Variants in KCTD1 observed in about 807,000 individuals in gnomAD.
KCTD1 encodes BTB/POZ domain-containing protein KCTD1.
KCTD1 carries 24 observed loss-of-function variants against 66.0 expected under a neutral mutation model. The observed-to-expected ratio is 0.36, with a 90% CI of 0.26 to 0.51. The LOEUF (loss-of-function observed/expected upper bound fraction) is 0.51. Among genes scored for constraint, KCTD1 ranks in the 20% least tolerant of loss-of-function variants. The pLI is 0.95. For synonymous variants in KCTD1, 511 were observed against 517.2 expected (o/e 0.99, Z 0.16); for missense variants, 943 against 1,205.2 (o/e 0.78, Z 3.22).
intron 1 of KCTD1, among the ~76,000 whole-genome samples, chr18:26,572,704 T>A (rs972898741): frequency 6.6e-6 from 1 of 152,196 alleles, no homozygotes; most frequent in African/African-American, 2.4e-5. Flanking sequence ...ATTCCAACAA[T>A]TATTTTTTCA....
chr18:26,502,882 G>C (rs1177918858), intron 1 of KCTD1, among the ~76,000 whole-genome samples: 1 of 152,196 alleles, frequency 6.6e-6, no homozygotes, highest in Non-Finnish European at 1.5e-5. Context: ...ATAAAATGCA[G>C]CATGATAAAA....
intron 1 of KCTD1, among the ~76,000 whole-genome samples, chr18:26,558,964 A>T (rs948181474): frequency 2.6e-5 from 4 of 151,984 alleles, no homozygotes; most frequent in African/African-American, 9.7e-5. Flanking sequence ...AAAAGAAAAG[A>T]ATGAGATCCT....
At chr18:26,527,482 CA>C (rs1342328848) in intron 1 of KCTD1, among the ~76,000 whole-genome samples, 220 of 62,838 alleles carry the variant, frequency 3.5e-3, no homozygotes, top group African/African-American at 0.011. Context: ...AGGGCTACTG[CA>C]AAAAAAAAAG....
intron 2 of KCTD1, among the ~76,000 whole-genome samples, chr18:26,495,109 T>A (rs1982400055): frequency 6.6e-6 from 1 of 152,188 alleles, no homozygotes; most frequent in South Asian, 2.1e-4. Context: ...GAATGCATTT[T>A]TTTTTTTGGC....
At chr18:26,624,539 T>G (rs968759603) in intron 1 of KCTD1, among the ~76,000 whole-genome samples, 1 of 152,224 alleles carries the variant, frequency 6.6e-6, no homozygotes, top group Non-Finnish European at 1.5e-5. Flanking sequence ...TTCCATGTGG[T>G]GTTAAGCCTG....
chr18:26,572,487 T>A (rs1014099241), intron 1 of KCTD1, among the ~76,000 whole-genome samples: 1 of 152,214 alleles, frequency 6.6e-6, no homozygotes, highest in African/African-American at 2.4e-5. Context: ...GTTCTTTTTA[T>A]TGGTTTTGGG....
rs1286330501 is a variant in KCTD1, at chr18:26,515,514, T to TC, written c.1810-14265_1810-14264insG. Among the ~76,000 whole-genome samples the TC allele has an allele frequency of 2.0e-5, 3 of 149,350 alleles. 1 individual carries two copies. Among genetic ancestry groups the TC allele is most frequent in the African/African-American group, 4.9e-5 (2 of 40,640 alleles). ...TGAAAACAGGCCTCTTTTTTCTTTT[T>TC]TTTTTTTTTTTGAGATGGAGTCTCA... On this transcript the variant is annotated intron_variant, in intron 1 of 4. Transcript: ENST00000580059.
intron 1 of KCTD1, chr18:26,600,129 G>C: frequency 2.5e-6 from 4 of 1,609,848 alleles, no homozygotes; most frequent in Non-Finnish European, 3.4e-6. Context: ...AAGGGAAAAA[G>C]AGGAAGGCCT....
upstream of KCTD1, among the ~76,000 whole-genome samples, chr18:26,550,954 AGCGCAGGGACCCGGGGGCC>A (rs1478577514): frequency 6.6e-6 from 1 of 152,140 alleles, no homozygotes; most frequent in Non-Finnish European, 1.5e-5. This position sits in a 1 kb window ranked among gnomAD's most constrained non-coding sequence, Gnocchi z 5.4. Flanking sequence ...CCTCGCCATA[AGCGCAGGGACCCGGGGGCC>A]GCGCTGGCTC....
At chr18:26,622,850 C>T (rs578246604) in intron 1 of KCTD1, among the ~76,000 whole-genome samples, 23 of 151,948 alleles carry the variant, frequency 1.5e-4, no homozygotes, top group African/African-American at 5.6e-4. Flanking sequence ...ACCAGCGTGA[C>T]GTGGGGGTAG....
At chr18:26,551,066 T>C (rs1212116550), upstream of KCTD1, among the ~76,000 whole-genome samples, 1 of 152,124 alleles carries the variant, frequency 6.6e-6, no homozygotes, top group Non-Finnish European at 1.5e-5. Flanking sequence ...TCCCCACCTC[T>C]GCGGGCGGCG....
intron 1 of KCTD1, among the ~76,000 whole-genome samples, chr18:26,569,507 C>T (rs1003401686): frequency 4.6e-5 from 7 of 152,100 alleles, no homozygotes; most frequent in South Asian, 4.1e-4. Context: ...CTCCCGCCCC[C>T]GACAACACTC....
chr18:26,583,015 G>C (rs1429584694), intron 1 of KCTD1, among the ~76,000 whole-genome samples: 1 of 151,928 alleles, frequency 6.6e-6, no homozygotes, highest in South Asian at 2.1e-4. Context: ...ACATTACAGG[G>C]AATTTTCACT....
chr18:26,601,093 C>T (rs767745608), intron 1 of KCTD1, among the ~76,000 whole-genome samples: 3 of 151,940 alleles, frequency 2.0e-5, no homozygotes, highest in Admixed American at 6.6e-5. Flanking sequence ...GCTAGTCCTA[C>T]GCTTAGAATA....
At chr18:26,571,481 G>C (rs1986104601) in intron 1 of KCTD1, among the ~76,000 whole-genome samples, 1 of 152,028 alleles carries the variant, frequency 6.6e-6, no homozygotes, top group Non-Finnish European at 1.5e-5. Context: ...GATATAAAAT[G>C]GTATTGTATT....
At chr18:26,512,104 C>G (rs1483781393) in intron 1 of KCTD1, among the ~76,000 whole-genome samples, 2 of 152,178 alleles carry the variant, frequency 1.3e-5, no homozygotes, top group Non-Finnish European at 2.9e-5. Flanking sequence ...GGAACCTCCT[C>G]TGAGATTCTT....
chr18:26,607,586 T>C (rs541290266), intron 1 of KCTD1, among the ~76,000 whole-genome samples: 9 of 152,352 alleles, frequency 5.9e-5, no homozygotes, highest in African/African-American at 1.2e-4. Context: ...TTTCCTTCCA[T>C]AATATGTCAC....
At position 26,584,511 on chromosome 18, in the gene KCTD1, G is replaced by A. The variant is rs374826461; in HGVS notation, c.-16+44636C>T. On this transcript the variant is annotated intron_variant, in intron 1 of 4. Transcript: ENST00000317932. Reference sequence around the variant, plus strand: ...CATTTTTGTTAGTGCTAAGTTAGGGGGTTTCCTATTCATTAGATCTTTCAG... The same window carrying A: ...CATTTTTGTTAGTGCTAAGTTAGGGAGTTTCCTATTCATTAGATCTTTCAG... Among the ~76,000 whole-genome samples the A allele has an allele frequency of 1.1e-3, 160 of 152,066 alleles. 2 individuals are homozygous for A. Among genetic ancestry groups the A allele is most frequent in the African/African-American group, 3.6e-3 (151 of 41,466 alleles).
upstream of KCTD1, among the ~76,000 whole-genome samples, chr18:26,644,213 G>C (rs1475502134): frequency 6.6e-6 from 1 of 152,176 alleles, no homozygotes; most frequent in African/African-American, 2.4e-5. Flanking sequence ...TGGATGAATG[G>C]ATGGATGTTG....
Sources: allele counts gnomAD v4.1 joint callset (sites outside exome capture counted in the v4.1 genomes callset), GRCh38; gene constraint gnomAD v4.1.1; non-coding constraint Gnocchi (gnomAD v3.1); transcripts MANE v1.5; gene names NCBI Gene and HGNC (gene_info 2026-07-23, HGNC 2026-07-21).